PDE11A: variants seen among roughly 807,000 people sequenced by gnomAD.
PDE11A encodes dual 3',5'-cyclic-AMP and -GMP phosphodiesterase 11A.
A neutral mutation model predicts 100.5 loss-of-function variants in PDE11A; 100 were observed. The observed-to-expected ratio is 1.00, with a 90% CI of 0.85 to 1.18. The LOEUF (loss-of-function observed/expected upper bound fraction) is 1.18. Ranked by LOEUF, PDE11A falls within the 50% of genes most tolerant of loss-of-function variation. PDE11A has a pLI of 0.00. For missense variants in PDE11A, 1,141 were observed against 1,152.6 expected (o/e 0.99, Z 0.15); for synonymous variants, 381 against 420.8 (o/e 0.91, Z 1.16).
At position 177,983,684 on chromosome 2, in the gene PDE11A, T is replaced by C. The variant is rs558378555; in HGVS notation, c.1071+30618A>G. ...ATTTGGTGGACTAAAGGAAACTTTT[T>C]TGTATGTTCTGGGTTTCTTAATATT... On this transcript the variant is annotated intron_variant, in intron 2 of 19. Transcript: ENST00000286063. Among the ~76,000 whole-genome samples, 14 of 152,246 alleles carry C rather than the reference T, an allele frequency of 9.2e-5. No individual in the cohort carries two copies. In the South Asian group the frequency reaches 2.9e-3, roughly 32 times the overall value.
At chr2:178,077,194 CCAACAATT>C (rs1210306111), upstream of PDE11A, among the ~76,000 whole-genome samples, 54 of 151,868 alleles carry the variant, frequency 3.6e-4, 2 homozygotes, top group Non-Finnish European at 1.3e-4. Context: ...AGCCACTCAT[CCAACAATT>C]CACCAAACAA....
At chr2:177,860,679 C>T (rs2083930386) in intron 5 of PDE11A, among the ~76,000 whole-genome samples, 1 of 151,418 alleles carries the variant, frequency 6.6e-6, no homozygotes, top group African/African-American at 2.4e-5. Context: ...AATATAGATG[C>T]AAAAATTCTC....
intron 2 of PDE11A, among the ~76,000 whole-genome samples, chr2:177,942,500 T>G (rs1404760844): frequency 4.6e-5 from 7 of 151,972 alleles, no homozygotes; most frequent in Non-Finnish European, 7.4e-5. Context: ...CCTTCCAGAT[T>G]CAAGTGATTC....
At chr2:177,824,793 A>G (rs1360958018) in intron 6 of PDE11A, among the ~76,000 whole-genome samples, 2 of 152,218 alleles carry the variant, frequency 1.3e-5, no homozygotes, top group Non-Finnish European at 2.9e-5. Context: ...AAATCATGCT[A>G]TAGAAGAATA....
intron 2 of PDE11A, among the ~76,000 whole-genome samples, chr2:177,929,484 T>G (rs2085177677): frequency 1.3e-5 from 2 of 152,224 alleles, no homozygotes; most frequent in Admixed American, 1.3e-4. Flanking sequence ...TTTTAAGGGC[T>G]GCATCAGTAT....
At chr2:177,791,958 T>C (rs1455478399) in intron 9 of PDE11A, among the ~76,000 whole-genome samples, 1 of 152,180 alleles carries the variant, frequency 6.6e-6, no homozygotes, top group African/African-American at 2.4e-5. Flanking sequence ...GTCTTCTGAT[T>C]TTTCTAAGTT....
intron 1 of PDE11A, among the ~76,000 whole-genome samples, chr2:178,066,354 C>T (rs528410253): frequency 6.6e-6 from 1 of 152,228 alleles, no homozygotes; most frequent in East Asian, 1.9e-4. Context: ...AAGACCCCTG[C>T]TTGAGGTTTA....
At chr2:177,729,268 CT>C (rs1340792375) in intron 10 of PDE11A, among the ~76,000 whole-genome samples, 1 of 152,190 alleles carries the variant, frequency 6.6e-6, no homozygotes, top group African/African-American at 2.4e-5. Flanking sequence ...GTCTAAGTCT[CT>C]TCTCAAAATG....
intron 2 of PDE11A, among the ~76,000 whole-genome samples, chr2:177,910,445 T>G (rs201635970): frequency 9.0e-6 from 1 of 111,244 alleles, no homozygotes; most frequent in Non-Finnish European, 1.9e-5. Flanking sequence ...TATATATATA[T>G]ACACACACAC....
At chr2:177,684,923 G>C (rs1268738455) in intron 15 of PDE11A, among the ~76,000 whole-genome samples, 1 of 152,180 alleles carries the variant, frequency 6.6e-6, no homozygotes, top group African/African-American at 2.4e-5. Flanking sequence ...ACAGAGGAAG[G>C]CACTTTGCTT....
At chr2:177,940,711 G>T (rs2085336381) in intron 2 of PDE11A, among the ~76,000 whole-genome samples, 1 of 152,172 alleles carries the variant, frequency 6.6e-6, no homozygotes, top group South Asian at 2.1e-4. Flanking sequence ...TGGGATAAGG[G>T]CTCTGTCAAA....
intron 1 of PDE11A, among the ~76,000 whole-genome samples, chr2:178,020,924 G>GGTGTGTGTGT (rs532087273): frequency 1.3e-4 from 16 of 125,790 alleles, no homozygotes; most frequent in African/African-American, 2.6e-4. Flanking sequence ...TTTTTGTCTT[G>GGTGTGTGTGT]GTGTGTGTGT....
chr2:178,061,134 G>A (rs4893847), intron 1 of PDE11A, among the ~76,000 whole-genome samples: 49,088 of 151,492 alleles, frequency 0.32, 9,993 homozygotes, highest in East Asian at 0.55. Flanking sequence ...TAGTAGAGGC[G>A]AAGTTTCACC....
At chr2:177,724,698 G>C (rs1460631217) in intron 12 of PDE11A, among the ~76,000 whole-genome samples, 4 of 152,218 alleles carry the variant, frequency 2.6e-5, no homozygotes, top group African/African-American at 9.6e-5. Flanking sequence ...CGACAGACTG[G>C]TTTTGTTGCT....
chr2:178,005,495 A>G (rs2105820795), intron 2 of PDE11A, among the ~76,000 whole-genome samples: 2 of 152,236 alleles, frequency 1.3e-5, no homozygotes, highest in East Asian at 3.9e-4. Context: ...AAAATTATGT[A>G]TCTAATCACT....
chr2:177,857,958 A>G (rs1361367392), intron 5 of PDE11A, among the ~76,000 whole-genome samples: 1 of 152,122 alleles, frequency 6.6e-6, no homozygotes, highest in African/African-American at 2.4e-5. Context: ...AATATTTTAT[A>G]ATGGCAAAGG....
At chr2:177,822,971 C>T (rs976588408) in intron 6 of PDE11A, among the ~76,000 whole-genome samples, 1 of 152,012 alleles carries the variant, frequency 6.6e-6, no homozygotes, top group African/African-American at 2.4e-5. Flanking sequence ...AATGTCTTAC[C>T]TGTAAAGTGT....
intron 12 of PDE11A, among the ~76,000 whole-genome samples, chr2:177,719,160 C>T (rs535727918): frequency 2.4e-4 from 37 of 152,208 alleles, no homozygotes; most frequent in Middle Eastern, 3.4e-3. Flanking sequence ...TGTGTGCAGT[C>T]CTGGCTCAGC....
chr2:177,905,720 A>G (rs775350413), intron 2 of PDE11A, among the ~76,000 whole-genome samples: 1 of 152,196 alleles, frequency 6.6e-6, no homozygotes, highest in Non-Finnish European at 1.5e-5. Context: ...GGATGGGCCC[A>G]GTGGGAACTA....
Sources: gnomAD v4.1 joint callset for allele counts (sites outside exome capture counted in the v4.1 genomes callset) on GRCh38, gnomAD v4.1.1 for gene constraint, MANE v1.5 for transcripts, NCBI Gene and HGNC (gene_info 2026-07-23, HGNC 2026-07-21) for gene names.